TTC28: variants seen among roughly 807,000 people sequenced by gnomAD.
TTC28 encodes tetratricopeptide repeat protein 28.
A neutral mutation model predicts 198.0 loss-of-function variants in TTC28; 61 were observed. That is an observed-to-expected ratio of 0.31 (90% confidence interval 0.25 to 0.38). The LOEUF is 0.38. TTC28 is among the 10% of genes least tolerant of loss of function. The probability of loss-of-function intolerance (pLI) is 1.00; values close to 1 mark genes in which losing one functional copy is unlikely to be tolerated. For missense variants in TTC28, 2,678 were observed against 3,164.0 expected, an observed-to-expected ratio of 0.85 and a Z score of 3.69; for synonymous variants, 1,171 against 1,297.8, an observed-to-expected ratio of 0.90 and a Z score of 2.10.
intron 2 of TTC28, among the ~76,000 whole-genome samples, chr22:28,373,998 C>G (rs1165056193): frequency 6.6e-6 from 1 of 152,134 alleles, no homozygotes; most frequent in Non-Finnish European, 1.5e-5. Context: ...CTGCTTTGAT[C>G]AGATTTAGCT....
In TTC28 at chr22:28,402,321, C is replaced by T. The variant is rs1022476013; in HGVS notation, c.382-95678G>A. ...GTGGTAACAGGAGACACAGGGCTTACAAGCACTGTTATTTTATAAAGCATA... is the reference window on the plus strand; with the variant it reads ...GTGGTAACAGGAGACACAGGGCTTATAAGCACTGTTATTTTATAAAGCATA... On this transcript the variant is annotated intron_variant, in intron 2 of 22. Transcript: ENST00000397906. Among the ~76,000 whole-genome samples, 3 of 152,188 alleles carry T rather than the reference C, an allele frequency of 2.0e-5. No individual in the cohort carries two copies. In the East Asian group the frequency reaches 5.8e-4, roughly 29 times the overall value.
chr22:28,004,712 G>T (rs1937864675), intron 14 of TTC28, among the ~76,000 whole-genome samples: 1 of 152,222 alleles, frequency 6.6e-6, no homozygotes, highest in African/African-American at 2.4e-5. Context: ...TTCAAAGGGG[G>T]AAACTGATTG....
intron 1 of TTC28, among the ~76,000 whole-genome samples, chr22:28,677,472 C>T (rs979427553): frequency 1.3e-4 from 20 of 151,812 alleles, no homozygotes; most frequent in Non-Finnish European, 2.9e-5. Context: ...CATAGGGAAA[C>T]CCAGTCTCTA....
intron 5 of TTC28, among the ~76,000 whole-genome samples, chr22:28,205,501 A>G (rs1202784799): frequency 6.6e-6 from 1 of 152,080 alleles, no homozygotes; most frequent in Non-Finnish European, 1.5e-5. Flanking sequence ...TTTTAATAAA[A>G]TGACACTTTC....
chr22:28,044,849 T>C (rs1440679170), intron 12 of TTC28, among the ~76,000 whole-genome samples: 1 of 152,202 alleles, frequency 6.6e-6, no homozygotes, highest in Non-Finnish European at 1.5e-5. Flanking sequence ...AGTGTTAAAG[T>C]AGAAATACAG....
At chr22:28,584,016 G>GTTT (rs67108156) in intron 2 of TTC28, among the ~76,000 whole-genome samples, 1 of 132,996 alleles carries the variant, frequency 7.5e-6, no homozygotes, top group Non-Finnish European at 1.6e-5. Context: ...GTTTTGTTTT[G>GTTT]TTTTTTTTTT....
chr22:28,555,027 A>C (rs1247081964), intron 2 of TTC28, among the ~76,000 whole-genome samples: 4 of 152,258 alleles, frequency 2.6e-5, no homozygotes, highest in African/African-American at 7.2e-5. Flanking sequence ...AATCCCATCA[A>C]AAAGTGAGCT....
At chr22:28,513,572 C>T (rs979751194) in intron 2 of TTC28, among the ~76,000 whole-genome samples, 3 of 152,122 alleles carry the variant, frequency 2.0e-5, no homozygotes, top group Non-Finnish European at 2.9e-5. Context: ...CACTGCACTC[C>T]AGCCTGGGGA....
chr22:28,261,905 A>T (rs112417417), intron 5 of TTC28, among the ~76,000 whole-genome samples: 1 of 152,146 alleles, frequency 6.6e-6, no homozygotes, highest in South Asian at 2.1e-4. Context: ...TTCAGATCTA[A>T]GGCCAGGAAA....
chr22:28,376,558 A>G (rs2046411778), intron 2 of TTC28, among the ~76,000 whole-genome samples: 1 of 152,218 alleles, frequency 6.6e-6, no homozygotes, highest in Admixed American at 6.5e-5. Context: ...ATAAATCTTC[A>G]GACATTGGAC....
In TTC28 at chr22:28,555,024, T is replaced by A. The variant is rs184110102; in HGVS notation, c.381+74528A>T. ...AATCAGCAAGAAAAAAACAATCCCA[T>A]CAAAAAGTGAGCTGAAGACATAAAT... On this transcript the variant is annotated intron_variant, in intron 2 of 22. Coordinates refer to ENST00000397906, the MANE Select transcript of TTC28 (RefSeq NM_001145418.2). Among the ~76,000 whole-genome samples, 36 of 151,966 alleles carry A rather than the reference T, an allele frequency of 2.4e-4. No individual in the cohort carries two copies. In the East Asian group the frequency reaches 6.4e-3, roughly 27 times the overall value.
intron 5 of TTC28, among the ~76,000 whole-genome samples, chr22:28,273,053 T>A (rs1932191148): frequency 6.6e-6 from 1 of 152,174 alleles, no homozygotes; most frequent in Admixed American, 6.5e-5. Context: ...GCTGGGACAA[T>A]TAAAGGACTA....
At chr22:28,459,389 C>T (rs695575) in intron 2 of TTC28, among the ~76,000 whole-genome samples, 1,532 of 150,828 alleles carry the variant, frequency 0.01, 34 homozygotes, top group East Asian at 0.085. Context: ...CAAGATGGCA[C>T]GACTGCACTC....
At chr22:28,538,400 T>C (rs181721491) in intron 2 of TTC28, among the ~76,000 whole-genome samples, 11 of 151,944 alleles carry the variant, frequency 7.2e-5, no homozygotes, top group Admixed American at 3.3e-4. Flanking sequence ...TAGGTATATC[T>C]TTATATGGAT....
intron 5 of TTC28, among the ~76,000 whole-genome samples, chr22:28,164,026 C>T (rs573900760): frequency 1.3e-5 from 2 of 152,336 alleles, no homozygotes; most frequent in African/African-American, 2.4e-5. Context: ...GGGTCCTATG[C>T]CCATGGAGCC....
chr22:28,169,782 G>T (rs1175997606), intron 5 of TTC28, among the ~76,000 whole-genome samples: 1 of 151,678 alleles, frequency 6.6e-6, no homozygotes, highest in African/African-American at 2.4e-5. Context: ...TAAGGAACCT[G>T]CACATTGTGC....
chr22:27,978,152 A>G lies in TTC28; in HGVS notation c.*4069T>C, dbSNP rs1227007392. 2.0e-5 allele frequency: 3 copies of G among 152,156 alleles called. No homozygotes were observed. The highest frequency in any genetic ancestry group is 7.2e-5 in the African/African-American group (3 of 41,434). 9.4% of individuals were successfully genotyped at this position (152,156 alleles called of 1,614,324 possible). ...ATAATATAAAAAGTTTAATGTCTGGAAATGGTGTAATTTACAAAAAAAGTC... is the reference window on the plus strand; with the variant it reads ...ATAATATAAAAAGTTTAATGTCTGGGAATGGTGTAATTTACAAAAAAAGTC... On this transcript the variant is annotated 3_prime_UTR_variant, in exon 23 of 23. Transcript: ENST00000397906.
chr22:28,191,475 C>A (rs542987393), intron 5 of TTC28, among the ~76,000 whole-genome samples: 1 of 152,172 alleles, frequency 6.6e-6, no homozygotes, highest in South Asian at 2.1e-4. Context: ...CGAGCGTAAG[C>A]GGAGGCAGGG....
chr22:28,192,740 GA>G (rs1326280975), intron 5 of TTC28, among the ~76,000 whole-genome samples: 1 of 152,038 alleles, frequency 6.6e-6, no homozygotes, highest in Admixed American at 6.6e-5. Context: ...GAAGTTCAGA[GA>G]AAAAAAGTAA....
Sources: gnomAD v4.1 joint callset for allele counts (sites outside exome capture counted in the v4.1 genomes callset) on GRCh38, gnomAD v4.1.1 for gene constraint, MANE v1.5 for transcripts, NCBI Gene and HGNC (gene_info 2026-07-23, HGNC 2026-07-21) for gene names.